SPOCK1: variants seen among roughly 807,000 people sequenced by gnomAD.
The protein encoded by SPOCK1 is SPARC (osteonectin), cwcv and kazal like domains proteoglycan 1.
A neutral mutation model predicts 55.3 loss-of-function variants in SPOCK1; 23 were observed. The ratio of observed to expected loss-of-function variants is 0.42; its 90% CI spans 0.30 to 0.59. The LOEUF is 0.59. Ranked by LOEUF, SPOCK1 falls within the 20% of genes least tolerant of loss-of-function variation. The pLI is 0.22. For synonymous variants in SPOCK1, 226 were observed against 221.0 expected (o/e 1.02, Z -0.20); for missense variants, 499 against 552.5 (o/e 0.90, Z 0.97).
At chr5:137,384,276 T>C (rs561596959) in intron 2 of SPOCK1, among the ~76,000 whole-genome samples, 2 of 152,212 alleles carry the variant, frequency 1.3e-5, no homozygotes, top group East Asian at 3.8e-4. Flanking sequence ...CAAGCAGAGC[T>C]GCCCAGTGGG....
chr5:137,140,697 G>A lies in SPOCK1; in HGVS notation c.233-3C>T, dbSNP rs570477407. ...GGGGTCCTTGGATGGGTCCAGGGCT[G>A]AGGCAAAAACAAGAAGGAGGGCAGG... On this transcript the variant is annotated splice_region_variant and splice_polypyrimidine_tract_variant and intron_variant, in intron 3 of 10. Coordinates refer to ENST00000394945, the MANE Select transcript of SPOCK1 (RefSeq NM_004598.4). 3.2e-6 allele frequency: 5 copies of A among 1,561,318 alleles called. No homozygotes were observed. Among genetic ancestry groups the A allele is most frequent in the African/African-American group, 1.4e-5 (1 of 72,274 alleles).
chr5:136,979,347 C>A lies in SPOCK1; in HGVS notation c.1114G>T (p.Gly372Cys). 1 of 1,614,112 alleles carries A rather than the reference C, an allele frequency of 6.2e-7. No homozygotes were observed. The highest frequency in any genetic ancestry group is 8.5e-7 in the Non-Finnish European group (1 of 1,179,976). Residue 372 changes from glycine to cysteine, a missense_variant, in exon 10 of 11, where the codon GGT (glycine) becomes TGT (cysteine). Physicochemically the swap from Gly to Cys is radical, Grantham distance 159. This residue lies in a region of SPOCK1 where 83 missense variants were observed against 87.5 expected (regional missense o/e 0.95). Transcript: ENST00000394945. ...GNELAGSRKQ[G>C]AVSCEEEQET... ...CCTTACTCACCACAGCTCACAGCAC[C>A]CTGTTTCCTGGAGCCAGCCAACTCA... is the stretch of plus-strand genomic sequence containing the variant.
rs896851824 is a variant in SPOCK1, at chr5:137,150,058, A to G, written c.233-9364T>C. On this transcript the variant is annotated intron_variant, in intron 3 of 10. Transcript: ENST00000394945. Reference sequence around the variant, plus strand: ...CAGCTCTTTTTAGCTTGCTCCTAAAATACAGAAAATGGATGTCCACCAAGG... The same window carrying G: ...CAGCTCTTTTTAGCTTGCTCCTAAAGTACAGAAAATGGATGTCCACCAAGG... 2.0e-4 allele frequency among the ~76,000 whole-genome samples: 30 copies of G among 152,196 alleles called. 2 individuals carry two copies. The highest frequency in any genetic ancestry group is 1.9e-3 in the Admixed American group (29 of 15,280).
At chr5:137,079,993 G>A (rs1012000842) in intron 5 of SPOCK1, among the ~76,000 whole-genome samples, 1 of 152,102 alleles carries the variant, frequency 6.6e-6, no homozygotes, top group Non-Finnish European at 1.5e-5. Context: ...ATATGTCTAT[G>A]TATTCTTCAT....
intron 4 of SPOCK1, among the ~76,000 whole-genome samples, chr5:137,138,977 C>T (rs145151877): frequency 1.3e-5 from 2 of 152,268 alleles, no homozygotes; most frequent in East Asian, 3.9e-4. Flanking sequence ...TTACTAATGC[C>T]TCACTAGCTT....
chr5:137,361,538 G>A (rs1382301998), intron 2 of SPOCK1, among the ~76,000 whole-genome samples: 1 of 152,096 alleles, frequency 6.6e-6, no homozygotes, highest in Non-Finnish European at 1.5e-5. Flanking sequence ...ATGCTTTATG[G>A]CATAAGTAAA....
chr5:137,372,838 G>A (rs1008162941), intron 2 of SPOCK1, among the ~76,000 whole-genome samples: 4 of 152,200 alleles, frequency 2.6e-5, no homozygotes, highest in African/African-American at 7.2e-5. Context: ...GCCACTCTCC[G>A]CCTGCATCTC....
intron 2 of SPOCK1, among the ~76,000 whole-genome samples, chr5:137,298,794 T>A (rs1757536322): frequency 6.6e-6 from 1 of 152,210 alleles, no homozygotes; most frequent in African/African-American, 2.4e-5. Context: ...TTATCTGATA[T>A]TACTATTGTC....
intron 4 of SPOCK1, among the ~76,000 whole-genome samples, chr5:137,130,044 G>A (rs1267100366): frequency 6.6e-6 from 1 of 152,106 alleles, no homozygotes; most frequent in Non-Finnish European, 1.5e-5. Flanking sequence ...CCCGTAGTTG[G>A]TTTGACCTGG....
At chr5:137,363,911 G>A (rs1751002731) in intron 2 of SPOCK1, among the ~76,000 whole-genome samples, 1 of 152,206 alleles carries the variant, frequency 6.6e-6, no homozygotes, top group South Asian at 2.1e-4. Flanking sequence ...AATGGGCCTG[G>A]TAGGCCCTTC....
chr5:137,233,360 G>A (rs1756107787), intron 3 of SPOCK1, among the ~76,000 whole-genome samples: 2 of 152,152 alleles, frequency 1.3e-5, no homozygotes, highest in African/African-American at 4.8e-5. Context: ...ATTCTCATAA[G>A]AAGAGCACAA....
intron 6 of SPOCK1, among the ~76,000 whole-genome samples, chr5:137,061,097 AG>A (rs1320952822): frequency 6.6e-6 from 1 of 152,226 alleles, no homozygotes; most frequent in East Asian, 1.9e-4. Context: ...ATGTATCGAA[AG>A]GTTAGTATAA....
chr5:137,252,880 G>A (rs774249584), intron 3 of SPOCK1, among the ~76,000 whole-genome samples: 4 of 152,098 alleles, frequency 2.6e-5, no homozygotes, highest in Non-Finnish European at 5.9e-5. Flanking sequence ...TCCACACTTC[G>A]AAGCTGGACA....
At chr5:137,478,709 C>G (rs1753886992) in intron 2 of SPOCK1, among the ~76,000 whole-genome samples, 1 of 151,830 alleles carries the variant, frequency 6.6e-6, no homozygotes, top group African/African-American at 2.4e-5. Context: ...ACTACGTTTC[C>G]AAGCAGAGAG....
chr5:137,258,594 G>A (rs1403415487), intron 3 of SPOCK1, among the ~76,000 whole-genome samples: 2 of 152,102 alleles, frequency 1.3e-5, no homozygotes, highest in Non-Finnish European at 2.9e-5. Flanking sequence ...CCAAACCAAG[G>A]CTGGTTCATT....
chr5:137,224,341 A>G (rs941857426), intron 3 of SPOCK1, among the ~76,000 whole-genome samples: 2 of 152,266 alleles, frequency 1.3e-5, no homozygotes, highest in South Asian at 4.1e-4. Flanking sequence ...CTTGCCATGT[A>G]GGCAGGGTAT....
rs183144127 is a variant in SPOCK1, at chr5:137,160,073, G to A, written c.233-19379C>T. Among the ~76,000 whole-genome samples the A allele has an allele frequency of 2.7e-3, 416 of 151,858 alleles. 2 individuals carry two copies. The highest frequency in any genetic ancestry group is 9.4e-3 in the African/African-American group (389 of 41,402). On this transcript the variant is annotated intron_variant, in intron 3 of 10. Coordinates refer to ENST00000394945, the MANE Select transcript of SPOCK1 (RefSeq NM_004598.4). ...TTGGTGTACCCTTCACCCAAGCAGT[G>A]TACACTGCACCATATTTGTAGTCTT...
chr5:137,126,083 A>G (rs1753777313), intron 4 of SPOCK1, among the ~76,000 whole-genome samples: 1 of 152,226 alleles, frequency 6.6e-6, no homozygotes, highest in Admixed American at 6.5e-5. Flanking sequence ...TGTTTGGGTC[A>G]TGGAGCAAAT....
Sources: gnomAD v4.1 joint callset for allele counts (sites outside exome capture counted in the v4.1 genomes callset) on GRCh38, gnomAD v4.1.1 for gene constraint, gnomAD v4.1.1 regional missense constraint, MANE v1.5 for transcripts, NCBI Gene and HGNC (gene_info 2026-07-23, HGNC 2026-07-21) for gene names.